Variants in EPB42 observed in about 807,000 individuals in gnomAD.
The protein encoded by EPB42 is protein 4.2.
EPB42 carries 49 observed loss-of-function variants against 76.9 expected under a neutral mutation model. The ratio of observed to expected loss-of-function variants is 0.64; its 90% CI spans 0.51 to 0.81. The LOEUF (loss-of-function observed/expected upper bound fraction) is 0.81. EPB42 is among the 30% of genes least tolerant of loss of function. The pLI is 0.00. For synonymous variants in EPB42, 310 were observed against 338.4 expected (o/e 0.92, Z 0.92); for missense variants, 731 against 867.6 (o/e 0.84, Z 1.98).
upstream of EPB42, among the ~76,000 whole-genome samples, chr15:43,221,637 C>T (rs1298342214): frequency 6.6e-6 from 1 of 152,088 alleles, no homozygotes; most frequent in African/African-American, 2.4e-5. Context: ...ACTTTCAGGG[C>T]AGCTGTACTT....
intron 10 of EPB42, among the ~76,000 whole-genome samples, chr15:43,205,446 C>T (rs940041459): frequency 2.0e-5 from 3 of 152,148 alleles, no homozygotes; most frequent in African/African-American, 7.2e-5. Context: ...GTCACCCAGG[C>T]TGGAGTGCAG....
chr15:43,215,594 A>C (rs1480120066), intron 2 of EPB42, among the ~76,000 whole-genome samples: 2 of 150,172 alleles, frequency 1.3e-5, no homozygotes, highest in African/African-American at 5.1e-5. Context: ...GAAATATTGC[A>C]TGTGAAGTAC....
intron 3 of EPB42, among the ~76,000 whole-genome samples, chr15:43,213,242 G>A (rs887334144): frequency 2.6e-5 from 4 of 152,158 alleles, no homozygotes; most frequent in African/African-American, 9.7e-5. Flanking sequence ...CTCTCTGCTT[G>A]GGTGTATGTA....
At chr15:43,204,038 A>G (rs1319352507) in intron 10 of EPB42, among the ~76,000 whole-genome samples, 1 of 151,858 alleles carries the variant, frequency 6.6e-6, no homozygotes, top group East Asian at 1.9e-4. Context: ...TTGCCTGCTT[A>G]TTTTCCTCAG....
intron 12 of EPB42, 54 bp from the exon 13 acceptor site, chr15:43,197,518 TG>T: frequency 6.2e-7 from 1 of 1,604,694 alleles, no homozygotes; most frequent in East Asian, 2.2e-5. Flanking sequence ...ATTGCTCTGC[TG>T]GTCCCAGTGA....
At position 43,210,352 on chromosome 15, in the gene EPB42, G is replaced by C; in HGVS notation, c.637C>G (p.Arg213Gly). Residue 213 changes from arginine to glycine, a missense_variant, in exon 5 of 13, where the codon CGT becomes GGT. Coordinates refer to ENST00000441366, the MANE Select transcript of EPB42 (RefSeq NM_001114134.2). ...EKWSQPVHVA[R>G]VLGALLHFLK... ...TCGCTTACCAAGGCACCCAACACACGGGCCACGTGCACCGGCTGGCTCCAC... is the reference window on the plus strand; with the variant it reads ...TCGCTTACCAAGGCACCCAACACACCGGCCACGTGCACCGGCTGGCTCCAC... 1 of 1,613,582 alleles carries C rather than the reference G, an allele frequency of 6.2e-7. No homozygotes were observed. The highest frequency in any genetic ancestry group is 1.1e-5 in the South Asian group (1 of 91,070).
chr15:43,215,173 A>T lies in EPB42; in HGVS notation c.352T>A (p.Ser118Thr), dbSNP rs2042358292. ...TPADAVIGHY[S>T]LLLQVSGRKQ... ...CTGCCTGAGACCTGCAGCAGAAGCG[A>T]GTAGTGGCCAATGACAGCGTCCGCA... Residue 118 changes from serine to threonine, a missense_variant, in exon 3 of 13, where the codon TCG becomes ACG. Ser to Thr is a moderately conservative substitution (Grantham distance 58, BLOSUM62 1). Coordinates refer to ENST00000441366, the MANE Select transcript of EPB42 (RefSeq NM_001114134.2). The T allele has an allele frequency of 1.2e-6, 2 of 1,614,244 alleles. No individual in the cohort carries two copies. Among genetic ancestry groups the T allele is most frequent in the Non-Finnish European group, 1.7e-6 (2 of 1,180,044 alleles).
chr15:43,201,147 T>A (rs2042118516), intron 12 of EPB42, among the ~76,000 whole-genome samples: 1 of 152,056 alleles, frequency 6.6e-6, no homozygotes, highest in Non-Finnish European at 1.5e-5. Flanking sequence ...TAAGGAGACT[T>A]GTGTGAGGAT....
chr15:43,215,716 G>C (rs1202595725), intron 2 of EPB42, among the ~76,000 whole-genome samples: 1 of 152,166 alleles, frequency 6.6e-6, no homozygotes, highest in Non-Finnish European at 1.5e-5. Context: ...TTCTTTTTGA[G>C]ACGGAGTTTT....
At chr15:43,198,799 G>A (rs994382428) in intron 12 of EPB42, among the ~76,000 whole-genome samples, 1 of 152,180 alleles carries the variant, frequency 6.6e-6, no homozygotes, top group Non-Finnish European at 1.5e-5. Context: ...CAGGCCCAGG[G>A]TTCCTGTGTT....
Position 43,203,100 on chromosome 15 carries a change from A to G in EPB42, c.1779+15T>C. ...GTGGCAGACGAGGGCAACTCAGGGG[A>G]GGACTGGTGCCTACCTTGATGGCAA... On this transcript the variant is annotated intron_variant, in intron 11 of 12. Coordinates refer to ENST00000441366, the MANE Select transcript of EPB42 (RefSeq NM_001114134.2). 6.2e-7 allele frequency: 1 copy of G among 1,613,934 alleles called. No individual in the cohort carries two copies. Among genetic ancestry groups the G allele is most frequent in the Non-Finnish European group, 8.5e-7 (1 of 1,179,954 alleles).
intron 1 of EPB42, among the ~76,000 whole-genome samples, chr15:43,218,237 T>C (rs1339755774): frequency 6.6e-6 from 1 of 152,162 alleles, no homozygotes; most frequent in African/African-American, 2.4e-5. Context: ...GATTGGATGG[T>C]GGAATGCCTT....
intron 6 of EPB42, among the ~76,000 whole-genome samples, chr15:43,209,011 C>T (rs1026372382): frequency 5.3e-5 from 8 of 152,176 alleles, no homozygotes; most frequent in African/African-American, 1.7e-4. Context: ...TAGAACACAG[C>T]GCTGCGGGGC....
intron 10 of EPB42, among the ~76,000 whole-genome samples, chr15:43,204,338 C>G (rs1209095831): frequency 6.6e-6 from 1 of 152,122 alleles, no homozygotes; most frequent in Non-Finnish European, 1.5e-5. Flanking sequence ...AATGCTGCTG[C>G]TGCTGCTGGG....
rs763985734 is a variant in EPB42, at chr15:43,197,349, T to C, written c.2029A>G (p.Thr677Ala). The change falls in exon 13 of 13, where the codon ACC becomes GCC. Residue 677 changes from threonine to alanine, a missense_variant. By Grantham distance (58) the Thr-to-Ala change is moderately conservative (BLOSUM62 0). Transcript: ENST00000441366. ...ACCACGGTGACGCTTTTATAGTTGG[T>C]TAGGTTCTGGAACATGTTGCAGTCC... ...EVDCNMFQNL[T>A]NYKSVTVVAP... The C allele has an allele frequency of 6.2e-7, 1 of 1,614,198 alleles. No homozygotes were observed.
In EPB42 at chr15:43,207,221, A is replaced by C; in HGVS notation, c.1296T>G (p.Thr432=). ...GVGSDRCEDI[T]QNYKYPEGSL... is the part of the protein sequence containing the mutation. ...TACCTTCAGGATACTTGTAGTTCTG[A>C]GTGATGTCCTCGCAGCGGTCACTGC... Residue 432 remains threonine, a synonymous_variant, in exon 9 of 13, where the codon ACT becomes ACG. Transcript: ENST00000441366. The C allele has an allele frequency of 1.2e-6, 2 of 1,613,930 alleles. No individual in the cohort carries two copies. Among genetic ancestry groups the C allele is most frequent in the Non-Finnish European group, 1.7e-6 (2 of 1,179,942 alleles).
At chr15:43,214,489 C>A in intron 3 of EPB42, among the ~76,000 whole-genome samples, 1 of 152,130 alleles carries the variant, frequency 6.6e-6, no homozygotes, top group Non-Finnish European at 1.5e-5. Flanking sequence ...AAGAGAGGAG[C>A]AAAGACAGGG....
Position 43,211,522 on chromosome 15 carries a change from A to G in EPB42, c.443T>C (p.Phe148Ser), listed in dbSNP as rs551542441. 7 of 1,612,976 alleles carry G rather than the reference A, an allele frequency of 4.3e-6. No individual in the cohort carries two copies. The African/African-American group carries it at 8.0e-5, about 18-fold the overall frequency. Residue 148 changes from phenylalanine (F) to serine (S), a missense_variant, in exon 4 of 13, where the codon TTC (phenylalanine) becomes TCC (serine). Physicochemically the swap from Phe to Ser is radical, Grantham distance 155. Transcript: ENST00000441366. ...FNPWNREDAV[F>S]LKNEAQRMEY... ...CATGCGCTGAGCCTCATTCTTCAGGAACACAGCATCCTCTGGTGAGAGGTG... is the reference window on the plus strand; with the variant it reads ...CATGCGCTGAGCCTCATTCTTCAGGGACACAGCATCCTCTGGTGAGAGGTG...
intron 1 of EPB42, among the ~76,000 whole-genome samples, chr15:43,219,195 C>T (rs186035348): frequency 3.9e-5 from 6 of 152,238 alleles, no homozygotes; most frequent in East Asian, 1.9e-4. Context: ...TGTGAAGAGG[C>T]GCGGACTGGC....
Sources: gnomAD v4.1 joint callset for allele counts (sites outside exome capture counted in the v4.1 genomes callset) on GRCh38, gnomAD v4.1.1 for gene constraint, MANE v1.5 for transcripts, NCBI Gene and HGNC (gene_info 2026-07-23, HGNC 2026-07-21) for gene names.